ADAM10: variants seen among roughly 807,000 people sequenced by gnomAD.
ADAM10 encodes disintegrin and metalloproteinase domain-containing protein 10.
ADAM10 carries 17 observed loss-of-function variants against 90.1 expected under a neutral mutation model. The observed-to-expected ratio is 0.19, with a 90% confidence interval of 0.13 to 0.28. The LOEUF (loss-of-function observed/expected upper bound fraction) is 0.28. Ranked by LOEUF, ADAM10 falls within the 10% of genes least tolerant of loss-of-function variation. ADAM10 has a pLI of 1.00. For synonymous variants in ADAM10, 310 were observed against 298.6 expected, an observed-to-expected ratio of 1.04 and a Z score of -0.40; for missense variants, 610 against 914.3, an observed-to-expected ratio of 0.67 and a Z score of 4.29.
In ADAM10 at chr15:58,739,520, A is replaced by AAAAT. The variant is rs1192854074; in HGVS notation, c.55+9956_55+9959dup. ...TGACAGAGCGAGACTCCGTCTCAAA[A>AAAAT]AAATAAATAAATAAATAAATAAATA... On this transcript the variant is annotated intron_variant, in intron 1 of 15. Transcript: ENST00000260408. Among the ~76,000 whole-genome samples the AAAAT allele has an allele frequency of 2.9e-3, 448 of 151,926 alleles. 1 individual carries two copies. The highest frequency in any genetic ancestry group is 6.8e-3 in the Middle Eastern group (2 of 292).
chr15:58,628,230 A>G (rs1896001588), intron 9 of ADAM10, among the ~76,000 whole-genome samples: 1 of 152,218 alleles, frequency 6.6e-6, no homozygotes, highest in African/African-American at 2.4e-5. Flanking sequence ...ACTACTAAAT[A>G]GTCTCTAACA....
intron 2 of ADAM10, among the ~76,000 whole-genome samples, chr15:58,683,770 G>A (rs1317745836): frequency 1.4e-5 from 2 of 141,700 alleles, no homozygotes; most frequent in Non-Finnish European, 3.0e-5. Context: ...TGAGGTAAGA[G>A]AACTGCTTGA....
intron 2 of ADAM10, chr15:58,691,323 A>G (rs1328051186): frequency 1.6e-6 from 2 of 1,222,424 alleles, no homozygotes; most frequent in South Asian, 1.2e-5. Flanking sequence ...AAATTCCTTG[A>G]GCTGCTGCAC....
At chr15:58,730,275 G>A (rs1251049520) in intron 1 of ADAM10, among the ~76,000 whole-genome samples, 1 of 152,184 alleles carries the variant, frequency 6.6e-6, no homozygotes. Flanking sequence ...ATACTGAGTA[G>A]AAAAAGTTTC....
At chr15:58,668,267 G>A (rs990597688) in intron 4 of ADAM10, among the ~76,000 whole-genome samples, 16 of 152,100 alleles carry the variant, frequency 1.1e-4, no homozygotes, top group Non-Finnish European at 2.2e-4. Flanking sequence ...CTCAAAAAAT[G>A]TTTATTAACA....
At chr15:58,724,698 C>CTA (rs1325447402) in intron 1 of ADAM10, among the ~76,000 whole-genome samples, 2 of 152,160 alleles carry the variant, frequency 1.3e-5, no homozygotes, top group African/African-American at 4.8e-5. Context: ...GTTTGGCTGA[C>CTA]TACTGATCTA....
At chr15:58,737,219 C>T (rs1899458729) in intron 1 of ADAM10, among the ~76,000 whole-genome samples, 1 of 152,110 alleles carries the variant, frequency 6.6e-6, no homozygotes, top group African/African-American at 2.4e-5. Flanking sequence ...ATGAATCTTA[C>T]TACCCAGAAA....
In ADAM10 at chr15:58,612,024, A is replaced by T. The variant is rs781300827; in HGVS notation, c.1512-33T>A. The T allele has an allele frequency of 1.9e-6, 3 of 1,590,294 alleles. No homozygotes were observed. The South Asian group carries it at 3.3e-5, about 18-fold the overall frequency. The stretch of plus-strand genomic sequence containing the variant: ...AAACATTAAGTGATTAAACAAAGTA[A>T]ATCACTAGTTATTCCCTATATACTA... On this transcript the variant is annotated intron_variant, in intron 11 of 15. Transcript: ENST00000260408.
chr15:58,696,462 C>CTTTTTT lies in ADAM10; in HGVS notation c.207-14149_207-14148insAAAAAA, dbSNP rs1430575266. Among the ~76,000 whole-genome samples, 3 of 139,296 alleles carry CTTTTTT rather than the reference C, an allele frequency of 2.2e-5. 1 individual carries two copies. The highest frequency in any genetic ancestry group is 4.7e-5 in the Non-Finnish European group (3 of 64,478). 91.4% of individuals were successfully genotyped at this position (139,296 alleles called of 152,430 possible). A position where few individuals can be genotyped will look rare whatever the true frequency, so the allele number is the denominator to read the frequency against. ...TTGATACTGATTTCTTTTTTTCTTT[C>CTTTTTT]TTTCTTTTTTTTTTTTTCCCAAGAT... On this transcript the variant is annotated intron_variant, in intron 2 of 15. Coordinates refer to ENST00000260408, the MANE Select transcript of ADAM10 (RefSeq NM_001110.4).
In ADAM10 at chr15:58,592,279, A is replaced by G. The variant is rs1161856041; in HGVS notation, c.*5268T>C. The G allele has an allele frequency of 2.6e-5, 4 of 152,210 alleles. No homozygotes were observed. Among genetic ancestry groups the G allele is most frequent in the African/African-American group, 9.6e-5 (4 of 41,460 alleles). The allele number at this position is 152,210 out of a possible 1,614,324, so 9.4% of individuals were successfully genotyped here. A position where few individuals can be genotyped will look rare whatever the true frequency, so the allele number is the denominator to read the frequency against. ...AAATTGTTGGGGGGGTAAAATGGTGATATCCTAATTCTATCATTTCTCTTA... is the reference window on the plus strand; with the variant it reads ...AAATTGTTGGGGGGGTAAAATGGTGGTATCCTAATTCTATCATTTCTCTTA... On this transcript the variant is annotated 3_prime_UTR_variant, in exon 16 of 16. Coordinates refer to ENST00000260408, the MANE Select transcript of ADAM10 (RefSeq NM_001110.4).
intron 1 of ADAM10, among the ~76,000 whole-genome samples, chr15:58,746,454 T>C (rs1478980607): frequency 1.3e-5 from 2 of 152,186 alleles, no homozygotes; most frequent in African/African-American, 2.4e-5. Flanking sequence ...ATGTAGGCAA[T>C]GGTACCTTCC....
chr15:58,746,930 T>G (rs1899810114), intron 1 of ADAM10, among the ~76,000 whole-genome samples: 1 of 152,244 alleles, frequency 6.6e-6, no homozygotes. Flanking sequence ...CAGAGAAAGT[T>G]TAACTGCTTA....
At position 58,597,661 on chromosome 15, in the gene ADAM10, G is replaced by A; in HGVS notation, c.2153-20C>T. ...AAGTGCCTGTGAGCCACAAATAAAA[G>A]CAAAGCAGATTTATTTATCATGAGC... is the stretch of plus-strand genomic sequence containing the variant. On this transcript the variant is annotated intron_variant, in intron 15 of 15. Coordinates refer to ENST00000260408, the MANE Select transcript of ADAM10 (RefSeq NM_001110.4). 6.2e-7 allele frequency: 1 copy of A among 1,613,256 alleles called. No homozygotes were observed. Among genetic ancestry groups the A allele is most frequent in the Non-Finnish European group, 8.5e-7 (1 of 1,179,682 alleles).
intron 2 of ADAM10, among the ~76,000 whole-genome samples, chr15:58,710,613 G>A (rs558494406): frequency 6.6e-5 from 10 of 152,234 alleles, no homozygotes; most frequent in East Asian, 1.9e-4. Context: ...TTTAACTAAC[G>A]TATGTTGCAC....
chr15:58,610,209 G>A lies in ADAM10; in HGVS notation c.2025+88C>T, dbSNP rs753154544. The A allele has an allele frequency of 1.1e-5, 12 of 1,071,506 alleles. No individual in the cohort carries two copies. In the South Asian group the frequency reaches 1.6e-4, roughly 14 times the overall value. 66.4% of individuals were successfully genotyped at this position (1,071,506 alleles called of 1,614,324 possible). A position where few individuals can be genotyped will look rare whatever the true frequency, so the allele number is the denominator to read the frequency against. On this transcript the variant is annotated intron_variant, in intron 14 of 15. Coordinates refer to ENST00000260408, the MANE Select transcript of ADAM10 (RefSeq NM_001110.4). The stretch of plus-strand genomic sequence containing the variant: ...TAATTCTAATATAAATAGTTAAGTT[G>A]TTTTCTCGTAACTTTGATGACTTCT...
rs139876972 is a variant in ADAM10 at position 58,702,229 on chromosome 15, G to C, written c.206+15348C>G. Among the ~76,000 whole-genome samples the C allele has an allele frequency of 4.7e-3, 714 of 152,284 alleles. 2 individuals are homozygous for C. The highest frequency in any genetic ancestry group is 5.3e-3 in the Non-Finnish European group (359 of 68,014). On this transcript the variant is annotated intron_variant, in intron 2 of 15. Transcript: ENST00000260408. ...AAACATCCCATGTTCTCACTCTTATGGGTGAGATTAGAAAGTTGATCTCAT... is the reference window on the plus strand; with the variant it reads ...AAACATCCCATGTTCTCACTCTTATCGGTGAGATTAGAAAGTTGATCTCAT...
chr15:58,720,699 C>A (rs1276115775), intron 1 of ADAM10, among the ~76,000 whole-genome samples: 1 of 152,090 alleles, frequency 6.6e-6, no homozygotes, highest in Non-Finnish European at 1.5e-5. Flanking sequence ...CCACGCCCGG[C>A]CTAGCATGGA....
At chr15:58,701,024 A>AAAC (rs1898120954) in intron 2 of ADAM10, among the ~76,000 whole-genome samples, 1 of 150,030 alleles carries the variant, frequency 6.7e-6, no homozygotes, top group Non-Finnish European at 1.5e-5. Flanking sequence ...CAAAAAAACA[A>AAAC]AAAAAAAAAA....
At chr15:58,666,417 A>G (rs985861994) in intron 4 of ADAM10, among the ~76,000 whole-genome samples, 5 of 151,806 alleles carry the variant, frequency 3.3e-5, no homozygotes, top group Admixed American at 1.3e-4. Context: ...TATAACCTCA[A>G]GCAGTTCCTT....
Sources: gnomAD v4.1 joint callset for allele counts (sites outside exome capture counted in the v4.1 genomes callset) on GRCh38, gnomAD v4.1.1 for gene constraint, MANE v1.5 for transcripts, NCBI Gene and HGNC (gene_info 2026-07-23, HGNC 2026-07-21) for gene names.